The following CEP41 variants were observed in gnomAD, a reference collection of about 807,000 sequenced individuals.
CEP41 encodes centrosomal protein of 41 kDa.
CEP41 carries 32 observed loss-of-function variants against 44.3 expected under a neutral mutation model. The ratio of observed to expected loss-of-function variants is 0.72; its 90% CI spans 0.54 to 0.97. The LOEUF (loss-of-function observed/expected upper bound fraction) is 0.97, where lower values mean the gene tolerates loss of function less well. Ranked by LOEUF, CEP41 falls within the 50% of genes least tolerant of loss-of-function variation. The pLI is 0.00. For missense variants in CEP41, 432 were observed against 455.2 expected, an observed-to-expected ratio of 0.95 and a Z score of 0.46; for synonymous variants, 151 against 168.5, an observed-to-expected ratio of 0.90 and a Z score of 0.80.
chr7:130,434,381 G>A (rs556707199), intron 1 of CEP41, among the ~76,000 whole-genome samples: 1 of 152,098 alleles, frequency 6.6e-6, no homozygotes, highest in African/African-American at 2.4e-5. Flanking sequence ...CTCTACAAAA[G>A]ACCCTGTGAA....
rs1554415704 is a variant in CEP41, at chr7:130,398,258, T to C, written c.*633A>G. 2 of 453,924 alleles carry C rather than the reference T, an allele frequency of 4.4e-6. No individual in the cohort carries two copies. The highest frequency in any genetic ancestry group is 2.0e-5 in the African/African-American group (1 of 49,978). 28.1% of individuals were successfully genotyped at this position (453,924 alleles called of 1,614,324 possible). ...CTAGTAAGGGGGAGCATTCAGTGAG[T>C]GTACAGCTACTTTCCTCATCTTCAA... On this transcript the variant is annotated 3_prime_UTR_variant, in exon 11 of 11. Coordinates refer to ENST00000223208, the MANE Select transcript of CEP41 (RefSeq NM_018718.3).
rs1229299296 is a variant in CEP41 at position 130,426,801 on chromosome 7, T to C, written c.97+1154A>G. 2.2e-5 allele frequency: 8 copies of C among 363,690 alleles called. No homozygotes were observed. The East Asian group carries it at 3.8e-4, about 17-fold the overall frequency. 22.5% of individuals were successfully genotyped at this position (363,690 alleles called of 1,614,324 possible). On this transcript the variant is annotated intron_variant, in intron 2 of 10. Transcript: ENST00000223208. ...CAGACTTGGCACCAGATCTCCAATA[T>C]TGACTTCCTCATCCTGTATATAATC...
At position 130,404,728 on chromosome 7, in the gene CEP41, A is replaced by G. The variant is rs1415094055; in HGVS notation, c.278-20T>C. On this transcript the variant is annotated intron_variant, in intron 5 of 10. Transcript: ENST00000223208. ...CATTGTCTAATATTTACAAATGAAGAAATAATTAGATTGAACCTCAGGATT... is the reference window on the plus strand; with the variant it reads ...CATTGTCTAATATTTACAAATGAAGGAATAATTAGATTGAACCTCAGGATT... 1 of 1,580,932 alleles carries G rather than the reference A, an allele frequency of 6.3e-7. No individual in the cohort carries two copies. The highest frequency in any genetic ancestry group is 8.7e-7 in the Non-Finnish European group (1 of 1,150,186).
At chr7:130,402,578 G>T in intron 7 of CEP41, 70 bp downstream of exon 7, 1 of 1,553,774 alleles carries the variant, frequency 6.4e-7, no homozygotes, top group Non-Finnish European at 8.9e-7. Flanking sequence ...TGTGGTTCCA[G>T]CCTGCCTAGA....
Position 130,395,605 on chromosome 7 carries a change from C to G in CEP41, c.*3286G>C. ...TAGCCAATAAACAACATGACAGAAA[C>G]CAAAACCAACACAAGAAAAATTACC... On this transcript the variant is annotated 3_prime_UTR_variant, in exon 11 of 11. Transcript: ENST00000223208. 1 of 454,002 alleles carries G rather than the reference C, an allele frequency of 2.2e-6. No homozygotes were observed. The highest frequency in any genetic ancestry group is 4.4e-6 in the Non-Finnish European group (1 of 226,776). 28.1% of individuals were successfully genotyped at this position (454,002 alleles called of 1,614,324 possible). A position where few individuals can be genotyped will look rare whatever the true frequency, so the allele number is the denominator to read the frequency against.
Position 130,430,282 on chromosome 7 carries a change from G to GA in CEP41, c.34-2265dup, listed in dbSNP as rs34877522. Among the ~76,000 whole-genome samples, 356 of 149,336 alleles carry GA rather than the reference G, an allele frequency of 2.4e-3. 4 individuals are homozygous for GA. In the East Asian group the frequency reaches 0.041, roughly 17 times the overall value. On this transcript the variant is annotated intron_variant, in intron 1 of 10. Transcript: ENST00000223208. ...TATCTGCTATTTTAACATCTAAGGG[G>GA]AAAAAAAAAATCCCAGAGTGAAAGG...
chr7:130,395,435 G>T lies in CEP41; in HGVS notation c.*3456C>A, dbSNP rs1554414100. ...AAAATAAACACACATTAAAGACACT[G>T]AGAACGTTTTAGAACTGGAGAAAGA... is the stretch of plus-strand genomic sequence containing the variant. On this transcript the variant is annotated 3_prime_UTR_variant, in exon 11 of 11. Coordinates refer to ENST00000223208, the MANE Select transcript of CEP41 (RefSeq NM_018718.3). 2.2e-6 allele frequency: 1 copy of T among 453,982 alleles called. No homozygotes were observed. The highest frequency in any genetic ancestry group is 4.4e-6 in the Non-Finnish European group (1 of 226,782). 28.1% of individuals were successfully genotyped at this position (453,982 alleles called of 1,614,324 possible).
In CEP41 at chr7:130,400,841, A is replaced by C. The variant is rs372240551; in HGVS notation, c.643-20T>G. On this transcript the variant is annotated intron_variant, in intron 8 of 10. Coordinates refer to ENST00000223208, the MANE Select transcript of CEP41 (RefSeq NM_018718.3). ...ATTTTTCTAAGAGTCAGATGAGTTAAGGTTCCAAGGCACTGGGCTGATGTC... is the reference window on the plus strand; with the variant it reads ...ATTTTTCTAAGAGTCAGATGAGTTACGGTTCCAAGGCACTGGGCTGATGTC... The C allele has an allele frequency of 6.7e-7, 1 of 1,500,808 alleles. No individual in the cohort carries two copies. The highest frequency in any genetic ancestry group is 9.2e-7 in the Non-Finnish European group (1 of 1,082,230). The allele number at this position is 1,500,808 out of a possible 1,614,324, so 93.0% of individuals were successfully genotyped here.
intron 3 of CEP41, among the ~76,000 whole-genome samples, chr7:130,414,188 A>T (rs1451767120): frequency 2.0e-5 from 3 of 152,264 alleles, no homozygotes; most frequent in Non-Finnish European, 4.4e-5. Context: ...TGTCTTAAAG[A>T]GAGCAATTTG....
chr7:130,419,152 G>A (rs1408882059), intron 2 of CEP41: 4 of 985,314 alleles, frequency 4.1e-6, no homozygotes, highest in South Asian at 4.7e-5. Flanking sequence ...CCCTAAAGGA[G>A]AAGGCTGAGA....
chr7:130,417,218 A>T, intron 2 of CEP41: 1 of 1,304,000 alleles, frequency 7.7e-7, no homozygotes, highest in Non-Finnish European at 9.8e-7. Context: ...AACATTGACA[A>T]GTTCCAGGAG....
chr7:130,408,095 C>G (rs1171634104), intron 5 of CEP41, among the ~76,000 whole-genome samples: 1 of 152,132 alleles, frequency 6.6e-6, no homozygotes, highest in Non-Finnish European at 1.5e-5. Flanking sequence ...CTCCTGCCTC[C>G]TTCCCCAAGG....
At chr7:130,421,035 T>C in intron 2 of CEP41, 1 of 980,932 alleles carries the variant, frequency 1.0e-6, no homozygotes, top group African/African-American at 1.7e-5. Flanking sequence ...GCATTTAGCT[T>C]CTACTTTGTT....
At position 130,395,301 on chromosome 7, in the gene CEP41, C is replaced by T. The variant is rs1796626409; in HGVS notation, c.*3590G>A. Reference sequence around the variant, plus strand: ...AAATTAATGGACCTGCATGTAAGTACTCAACATGCTCACATAATTAAACTG... The same window carrying T: ...AAATTAATGGACCTGCATGTAAGTATTCAACATGCTCACATAATTAAACTG... On this transcript the variant is annotated 3_prime_UTR_variant, in exon 11 of 11. Coordinates refer to ENST00000223208, the MANE Select transcript of CEP41 (RefSeq NM_018718.3). 1 of 453,816 alleles carries T rather than the reference C, an allele frequency of 2.2e-6. No individual in the cohort carries two copies. Among genetic ancestry groups the T allele is most frequent in the Non-Finnish European group, 4.4e-6 (1 of 226,730 alleles). 28.1% of individuals were successfully genotyped at this position (453,816 alleles called of 1,614,324 possible). A position where few individuals can be genotyped will look rare whatever the true frequency, so the allele number is the denominator to read the frequency against.
intron 1 of CEP41, among the ~76,000 whole-genome samples, chr7:130,436,273 A>G (rs545394478): frequency 5.9e-5 from 9 of 151,908 alleles, no homozygotes; most frequent in African/African-American, 2.2e-4. Flanking sequence ...ACTCAAGGAC[A>G]TTATCTTGAG....
Position 130,397,506 on chromosome 7 carries a change from ATTTTTTTTTT to A in CEP41, c.*1375_*1384del, listed in dbSNP as rs55776575. 3.8e-4 allele frequency: 116 copies of A among 303,642 alleles called. 1 individual carries two copies. Among genetic ancestry groups the A allele is most frequent in the African/African-American group, 2.1e-3 (45 of 21,186 alleles). 18.8% of individuals were successfully genotyped at this position (303,642 alleles called of 1,614,324 possible). Reference sequence around the variant, plus strand: ...CCCCATGCTAGAAATACTGTGGTGCATTTTTTTTTTTTTTTTTTTTTTTTTTTGGTGGCGA... The same window carrying A: ...CCCCATGCTAGAAATACTGTGGTGCATTTTTTTTTTTTTTTTTGGTGGCGA... On this transcript the variant is annotated 3_prime_UTR_variant, in exon 11 of 11. Transcript: ENST00000223208.
rs782614895 is a variant in CEP41, at chr7:130,404,619, C to G, written c.367G>C (p.Glu123Gln). Residue 123 changes from glutamate (E) to glutamine (Q), a missense_variant, in exon 6 of 11, where the codon GAG becomes CAG. Coordinates refer to ENST00000223208, the MANE Select transcript of CEP41 (RefSeq NM_018718.3). ...GCTCCTGCGTTGTTTATGAACTGCT[C>G]AGGGCTCGGCGACTGCTCACCTGGA... ...GNPGEQSPSP[E>Q]QFINNAGAGD... 1 of 1,613,828 alleles carries G rather than the reference C, an allele frequency of 6.2e-7. No homozygotes were observed. The highest frequency in any genetic ancestry group is 1.7e-5 in the Admixed American group (1 of 60,020).
chr7:130,419,490 A>G, intron 2 of CEP41: 1 of 984,652 alleles, frequency 1.0e-6, no homozygotes, highest in Non-Finnish European at 1.2e-6. Context: ...AAAGATTGGA[A>G]ATGAATCCAT....
rs750154468 is a variant in CEP41, at chr7:130,394,593, G to T, written c.*4298C>A. ...TCTCTGGGTACTTCCTGTAGAGGGA[G>T]ATCTAAAAACCTCAGGGTTTTGAAT... On this transcript the variant is annotated 3_prime_UTR_variant, in exon 11 of 11. Transcript: ENST00000223208. 3 of 453,656 alleles carry T rather than the reference G, an allele frequency of 6.6e-6. No homozygotes were observed. The highest frequency in any genetic ancestry group is 1.3e-5 in the Non-Finnish European group (3 of 226,606). 28.1% of individuals were successfully genotyped at this position (453,656 alleles called of 1,614,324 possible).
Sources: allele counts gnomAD v4.1 joint callset (sites outside exome capture counted in the v4.1 genomes callset), GRCh38; gene constraint gnomAD v4.1.1; transcripts MANE v1.5; gene names NCBI Gene and HGNC (gene_info 2026-07-23, HGNC 2026-07-21).